The following STIM2 variants were observed in gnomAD, a reference collection of about 807,000 sequenced individuals.
STIM2 encodes stromal interaction molecule 2.
Under a neutral mutation model 85.8 loss-of-function variants are expected in STIM2, and 31 were observed. The ratio of observed to expected loss-of-function variants is 0.36; its 90% CI spans 0.27 to 0.49. The LOEUF (loss-of-function observed/expected upper bound fraction) is 0.49. Ranked by LOEUF, STIM2 falls within the 20% of genes least tolerant of loss-of-function variation. STIM2 has a pLI of 0.98. For synonymous variants in STIM2, 356 were observed against 331.1 expected (o/e 1.08, Z -0.82); for missense variants, 841 against 927.6 (o/e 0.91, Z 1.21).
In STIM2 at chr4:27,007,579, G is replaced by A; in HGVS notation, c.1028G>A (p.Ser343Asn). The stretch of plus-strand genomic sequence containing the variant: ...GCCGAAAAAGAATTTGAACTGAGAA[G>A]CAGTTGGTCTGTTCCAGATGCACTT... Residue 343 changes from serine (S) to asparagine (N), a missense_variant, in exon 8 of 12, where the codon AGC becomes AAC. Coordinates refer to ENST00000467087, the MANE Select transcript of STIM2 (RefSeq NM_020860.4). The A allele has an allele frequency of 6.3e-7, 1 of 1,588,750 alleles. No homozygotes were observed. The highest frequency in any genetic ancestry group is 8.6e-7 in the Non-Finnish European group (1 of 1,168,176).
At chr4:26,987,863 T>C (rs1057250163) in intron 3 of STIM2, among the ~76,000 whole-genome samples, 1 of 152,224 alleles carries the variant, frequency 6.6e-6, no homozygotes, top group African/African-American at 2.4e-5. Flanking sequence ...GGTTTGTTTC[T>C]AAGAGAAAAT....
At chr4:26,976,350 C>A (rs975238881) in intron 3 of STIM2, among the ~76,000 whole-genome samples, 1 of 146,908 alleles carries the variant, frequency 6.8e-6, no homozygotes, top group Non-Finnish European at 1.5e-5. Context: ...AGCTGCAGAT[C>A]GGAGCTGTTC....
chr4:26,921,099 C>T (rs113580650), intron 2 of STIM2, among the ~76,000 whole-genome samples: 2,867 of 152,174 alleles, frequency 0.019, 59 homozygotes, highest in Admixed American at 0.065. Flanking sequence ...TAGTGTTCTG[C>T]TAAGAGAGGA....
intron 1 of STIM2, among the ~76,000 whole-genome samples, chr4:26,915,610 T>C (rs1345579687): frequency 6.6e-6 from 1 of 152,186 alleles, no homozygotes; most frequent in African/African-American, 2.4e-5. Flanking sequence ...ATACTGAGCA[T>C]TTGGCTCTAA....
In STIM2 at chr4:26,999,183, T is replaced by C. The variant is rs116192868; in HGVS notation, c.510-49T>C. The C allele has an allele frequency of 5.3e-3, 4,271 of 805,664 alleles. 145 individuals carry two copies. The African/African-American group carries it at 0.071, about 13-fold the overall frequency. 49.9% of individuals were successfully genotyped at this position (805,664 alleles called of 1,614,324 possible). A position where few individuals can be genotyped will look rare whatever the true frequency, so the allele number is the denominator to read the frequency against. On this transcript the variant is annotated intron_variant, in intron 4 of 11. Coordinates refer to ENST00000467087, the MANE Select transcript of STIM2 (RefSeq NM_020860.4). Reference sequence around the variant, plus strand: ...TATTTAAATTTGTATACTAGAAATATTTTCATTTAATATATATATATATGT... The same window carrying C: ...TATTTAAATTTGTATACTAGAAATACTTTCATTTAATATATATATATATGT...
Position 26,999,352 on chromosome 4 carries a change from G to C in STIM2, c.625+5G>C. 1 of 1,571,972 alleles carries C rather than the reference G, an allele frequency of 6.4e-7. No homozygotes were observed. Among genetic ancestry groups the C allele is most frequent in the Non-Finnish European group, 8.7e-7 (1 of 1,150,914 alleles). On this transcript the variant is annotated splice_donor_5th_base_variant and intron_variant, in intron 5 of 11. Transcript: ENST00000467087. ...TTTTGTTTGGACCTCTAACACGTTA[G>C]TATTCTCTCTCACTCAGAGGATGAT... is the stretch of plus-strand genomic sequence containing the variant.
intron 5 of STIM2, among the ~76,000 whole-genome samples, chr4:27,000,216 G>A (rs990281256): frequency 3.9e-5 from 6 of 152,294 alleles, no homozygotes; most frequent in Non-Finnish European, 5.9e-5. Flanking sequence ...CTAAAAAAGG[G>A]TAACTAGAAT....
rs529606330 is a variant in STIM2, at chr4:26,895,869, G to C, written c.152-23635G>C. Among the ~76,000 whole-genome samples the C allele has an allele frequency of 1.1e-4, 17 of 152,298 alleles. No homozygotes were observed. The East Asian group carries it at 2.7e-3, about 24-fold the overall frequency. ...AGTAATAATCAAACTCAGTGTGTTA[G>C]TTTTCTACTGCTGCATAATGAATTA... On this transcript the variant is annotated intron_variant, in intron 1 of 11. Transcript: ENST00000467087.
At chr4:26,957,885 G>C (rs893237505) in intron 3 of STIM2, among the ~76,000 whole-genome samples, 159 bp downstream of exon 3, 1 of 152,062 alleles carries the variant, frequency 6.6e-6, no homozygotes, top group East Asian at 1.9e-4. Context: ...TCTTGTTTTT[G>C]ATAGATGATT....
chr4:27,001,023 T>C (rs1728132116), intron 5 of STIM2, among the ~76,000 whole-genome samples: 1 of 152,084 alleles, frequency 6.6e-6, no homozygotes, highest in Non-Finnish European at 1.5e-5. Context: ...GGTGGAAGGG[T>C]GAAGGTGTAC....
chr4:26,975,496 G>T (rs1468315944), intron 3 of STIM2, among the ~76,000 whole-genome samples: 3 of 152,122 alleles, frequency 2.0e-5, no homozygotes, highest in Non-Finnish European at 4.4e-5. Context: ...TAACAGTCAG[G>T]TGCAGGTCTG....
chr4:26,919,419 G>GT lies in STIM2; in HGVS notation c.152-83dup, dbSNP rs1438834296. The GT allele has an allele frequency of 2.6e-6, 4 of 1,553,518 alleles. No homozygotes were observed. The African/African-American group carries it at 5.5e-5, about 22-fold the overall frequency. ...TTAACTTAGTCTGAAGTTTAATTCT[G>GT]TTGGTTTTCTTTTAAATTATACTCT... is the stretch of plus-strand genomic sequence containing the variant. On this transcript the variant is annotated intron_variant, in intron 1 of 11. Transcript: ENST00000467087.
rs1432766166 is a variant in STIM2, at chr4:26,957,677, T to C, written c.348T>C (p.Asp116=). 2 of 1,597,074 alleles carry C rather than the reference T, an allele frequency of 1.3e-6. No individual in the cohort carries two copies. The highest frequency in any genetic ancestry group is 1.7e-6 in the Non-Finnish European group (2 of 1,174,598). Residue 116 remains aspartate, a synonymous_variant, in exon 3 of 12, where the codon GAT becomes GAC. Transcript: ENST00000467087. ...AACACAGCCATCTGCACAGAGAAGA[T>C]AAACATATAACGATTGAGGATTTAT...
chr4:26,964,885 T>C (rs1419441991), intron 3 of STIM2, among the ~76,000 whole-genome samples: 1 of 152,196 alleles, frequency 6.6e-6, no homozygotes, highest in East Asian at 1.9e-4. Flanking sequence ...AGAAGTTAAG[T>C]AAAGCCAGAC....
chr4:26,899,641 T>C (rs1408203909), intron 1 of STIM2, among the ~76,000 whole-genome samples: 1 of 152,184 alleles, frequency 6.6e-6, no homozygotes, highest in Non-Finnish European at 1.5e-5. Context: ...TAATTATAAG[T>C]GAAAAATTCA....
chr4:27,022,179 A>T lies in STIM2; in HGVS notation c.1764-340A>T, dbSNP rs115080703. On this transcript the variant is annotated intron_variant, in intron 11 of 11. Coordinates refer to ENST00000467087, the MANE Select transcript of STIM2 (RefSeq NM_020860.4). ...TTAACTCTGATTTAGAAAGAAAAAT[A>T]GTATTGAAACAAAACATAAAAGTAG... Among the ~76,000 whole-genome samples, 579 of 152,350 alleles carry T rather than the reference A, an allele frequency of 3.8e-3. 6 individuals are homozygous for T. Among genetic ancestry groups the T allele is most frequent in the African/African-American group, 0.013 (561 of 41,582 alleles).
intron 2 of STIM2, among the ~76,000 whole-genome samples, chr4:26,931,535 A>T (rs1233876242): frequency 2.0e-5 from 3 of 152,176 alleles, no homozygotes; most frequent in African/African-American, 7.2e-5. Context: ...CATCTTTGTA[A>T]TAGGATATGT....
At chr4:26,945,099 C>A (rs1388307707) in intron 2 of STIM2, among the ~76,000 whole-genome samples, 1 of 152,044 alleles carries the variant, frequency 6.6e-6, no homozygotes, top group Non-Finnish European at 1.5e-5. Flanking sequence ...CTCTTTTTAC[C>A]CCCCACCCTC....
intron 1 of STIM2, among the ~76,000 whole-genome samples, chr4:26,862,713 G>A (rs1331733918): frequency 6.6e-6 from 1 of 152,164 alleles, no homozygotes; most frequent in East Asian, 1.9e-4. Context: ...CTGGGATAAA[G>A]TGATTATAGA....
Sources: gnomAD v4.1 joint callset for allele counts (sites outside exome capture counted in the v4.1 genomes callset) on GRCh38, gnomAD v4.1.1 for gene constraint, MANE v1.5 for transcripts, NCBI Gene and HGNC (gene_info 2026-07-23, HGNC 2026-07-21) for gene names.